PPP2R2B: variants seen among roughly 807,000 people sequenced by gnomAD.
The protein encoded by PPP2R2B is protein phosphatase 2 regulatory subunit Bbeta, also known as serine/threonine-protein phosphatase 2A 55 kDa regulatory subunit B beta isoform.
PPP2R2B carries 5 observed loss-of-function variants against 46.0 expected under a neutral mutation model. The ratio of observed to expected loss-of-function variants is 0.11; its 90% CI spans 0.06 to 0.23. The LOEUF is 0.23. Ranked by LOEUF, PPP2R2B falls within the 10% of genes least tolerant of loss-of-function variation. The pLI, the probability that PPP2R2B is intolerant of heterozygous loss-of-function variation, is 1.00. For synonymous variants in PPP2R2B, 215 were observed against 206.7 expected, an observed-to-expected ratio of 1.04 and a Z score of -0.34; for missense variants, 367 against 575.0, an observed-to-expected ratio of 0.64 and a Z score of 3.70.
chr5:146,664,167 A>G (rs889272164), intron 5 of PPP2R2B, among the ~76,000 whole-genome samples: 3 of 152,188 alleles, frequency 2.0e-5, no homozygotes, highest in Non-Finnish European at 2.9e-5. Context: ...AAAGACAACA[A>G]TGAAGTTTGC....
chr5:146,777,734 T>C (rs561886410), intron 2 of PPP2R2B, among the ~76,000 whole-genome samples: 1 of 152,312 alleles, frequency 6.6e-6, no homozygotes, highest in South Asian at 2.1e-4. Context: ...TCAGTTTTTC[T>C]ATGCACAATT....
chr5:146,967,670 G>A (rs1752487311), intron 1 of PPP2R2B, among the ~76,000 whole-genome samples: 1 of 152,180 alleles, frequency 6.6e-6, no homozygotes, highest in South Asian at 2.1e-4. Flanking sequence ...GCCCCACTCA[G>A]TAAAGCACTT....
chr5:146,762,212 T>G (rs1754210481), intron 2 of PPP2R2B, among the ~76,000 whole-genome samples: 1 of 152,242 alleles, frequency 6.6e-6, no homozygotes, highest in Non-Finnish European at 1.5e-5. Context: ...AAGAACAGTT[T>G]ACTGCAGAAT....
chr5:146,879,507 G>C (rs319212), upstream of PPP2R2B, among the ~76,000 whole-genome samples: 5,915 of 152,200 alleles, frequency 0.039, 398 homozygotes, highest in African/African-American at 0.13. Flanking sequence ...TCTATTTGCT[G>C]TCAGCATGGA....
chr5:146,989,740 T>C (rs746544599), intron 1 of PPP2R2B, among the ~76,000 whole-genome samples: 1 of 152,062 alleles, frequency 6.6e-6, no homozygotes, highest in Non-Finnish European at 1.5e-5. Flanking sequence ...CTGAATATTC[T>C]AGCCAAAGCA....
At chr5:146,794,405 G>A (rs958229408) in intron 2 of PPP2R2B, among the ~76,000 whole-genome samples, 5 of 152,176 alleles carry the variant, frequency 3.3e-5, no homozygotes, top group African/African-American at 1.2e-4. Context: ...GGAGACCCAA[G>A]CTTATTCAGA....
upstream of PPP2R2B, among the ~76,000 whole-genome samples, chr5:147,056,308 G>C (rs1218750989): frequency 6.6e-6 from 1 of 152,118 alleles, no homozygotes; most frequent in Non-Finnish European, 1.5e-5. Flanking sequence ...CTCTGTCCTT[G>C]CTTAATCTAG....
chr5:146,891,519 C>G (rs1330341460), intron 1 of PPP2R2B, among the ~76,000 whole-genome samples: 1 of 152,112 alleles, frequency 6.6e-6, no homozygotes, highest in African/African-American at 2.4e-5. Context: ...AACTCAAAGA[C>G]ATGGTTTCAT....
At chr5:146,820,991 C>T (rs982637481) in intron 2 of PPP2R2B, among the ~76,000 whole-genome samples, 20 of 152,138 alleles carry the variant, frequency 1.3e-4, no homozygotes, top group South Asian at 4.2e-4. Flanking sequence ...AAGATTAGTG[C>T]ATCGCCTTCT....
upstream of PPP2R2B, among the ~76,000 whole-genome samples, chr5:147,060,850 C>CT (rs963194301): frequency 2.6e-5 from 4 of 152,050 alleles, no homozygotes; most frequent in East Asian, 1.9e-4. Context: ...AAAAATTGGA[C>CT]TTTTTTTATG....
At chr5:146,943,400 G>T (rs993186129) in intron 1 of PPP2R2B, among the ~76,000 whole-genome samples, 2 of 152,126 alleles carry the variant, frequency 1.3e-5, no homozygotes, top group Non-Finnish European at 2.9e-5. Context: ...ATGGTAATAA[G>T]CAGTACTTTT....
At chr5:146,862,148 CT>C (rs1761043921) in intron 2 of PPP2R2B, among the ~76,000 whole-genome samples, 1 of 152,154 alleles carries the variant, frequency 6.6e-6, no homozygotes, top group Non-Finnish European at 1.5e-5. Flanking sequence ...CATCTTTAAA[CT>C]TTAGTTGGGG....
chr5:146,741,725 C>T (rs181066671), intron 2 of PPP2R2B, among the ~76,000 whole-genome samples: 1 of 152,328 alleles, frequency 6.6e-6, no homozygotes, highest in African/African-American at 2.4e-5. Flanking sequence ...GATTCTGATA[C>T]TGACAGTACA....
At chr5:146,604,322 A>G (rs996231896) in intron 7 of PPP2R2B, among the ~76,000 whole-genome samples, 1 of 152,248 alleles carries the variant, frequency 6.6e-6, no homozygotes, top group African/African-American at 2.4e-5. Context: ...GTTGAACAAC[A>G]GTATCTGGTG....
intron 2 of PPP2R2B, among the ~76,000 whole-genome samples, chr5:146,730,851 A>G (rs1192939012): frequency 6.6e-6 from 1 of 152,166 alleles, no homozygotes; most frequent in Non-Finnish European, 1.5e-5. Flanking sequence ...AATTAAACTT[A>G]TATCATTAAA....
intron 2 of PPP2R2B, among the ~76,000 whole-genome samples, chr5:146,870,289 G>A (rs1326738761): frequency 6.6e-6 from 1 of 152,138 alleles, no homozygotes; most frequent in African/African-American, 2.4e-5. Context: ...CTATGTGACT[G>A]TATTTGGAGA....
intron 1 of PPP2R2B, among the ~76,000 whole-genome samples, chr5:146,964,041 A>C (rs1561544304): frequency 1.3e-5 from 2 of 152,210 alleles, no homozygotes; most frequent in African/African-American, 4.8e-5. Flanking sequence ...GGCCATCCAA[A>C]TGTAGCCCTT....
chr5:146,865,889 T>C (rs1445610490), intron 2 of PPP2R2B, among the ~76,000 whole-genome samples: 1 of 152,178 alleles, frequency 6.6e-6, no homozygotes. Context: ...ACCTCCCCAC[T>C]TAACCACTTC....
intron 2 of PPP2R2B, among the ~76,000 whole-genome samples, chr5:146,838,891 G>A (rs527592674): frequency 2.0e-5 from 3 of 152,300 alleles, no homozygotes; most frequent in Non-Finnish European, 4.4e-5. Flanking sequence ...CTGAAGCAGC[G>A]TTAGAGGTTT....
Sources: gnomAD v4.1 joint callset for allele counts (sites outside exome capture counted in the v4.1 genomes callset) on GRCh38, gnomAD v4.1.1 for gene constraint, MANE v1.5 for transcripts, NCBI Gene and HGNC (gene_info 2026-07-23, HGNC 2026-07-21) for gene names.